CDYL2: variants seen among roughly 807,000 people sequenced by gnomAD.
CDYL2 encodes the protein chromodomain Y-like protein 2.
Under a neutral mutation model 49.4 loss-of-function variants are expected in CDYL2, and 23 were observed. The observed-to-expected ratio is 0.47, with a 90% confidence interval of 0.34 to 0.66. The LOEUF (loss-of-function observed/expected upper bound fraction) is 0.66. CDYL2 is among the 30% of genes least tolerant of loss of function. The pLI is 0.01. For synonymous variants in CDYL2, 360 were observed against 268.8 expected (o/e 1.34, Z -3.32); for missense variants, 678 against 656.4 (o/e 1.03, Z -0.36).
At chr16:80,622,093 G>A (rs1907108125) in intron 3 of CDYL2, among the ~76,000 whole-genome samples, 2 of 152,184 alleles carry the variant, frequency 1.3e-5, no homozygotes. Context: ...GCCCTGGCCT[G>A]GCTCACACAA....
At chr16:80,700,613 G>C (rs1055393254) in intron 1 of CDYL2, among the ~76,000 whole-genome samples, 10 of 152,332 alleles carry the variant, frequency 6.6e-5, no homozygotes, top group African/African-American at 2.4e-4. Flanking sequence ...CAGTGAGAAA[G>C]ATCAGCAAAA....
intron 3 of CDYL2, among the ~76,000 whole-genome samples, chr16:80,624,041 C>T (rs1316868132): frequency 6.6e-6 from 1 of 152,184 alleles, no homozygotes; most frequent in Non-Finnish European, 1.5e-5. Flanking sequence ...TGTGTACTGA[C>T]TGAAGCAATC....
At chr16:80,727,609 G>C (rs1905206540) in intron 1 of CDYL2, among the ~76,000 whole-genome samples, 2 of 152,238 alleles carry the variant, frequency 1.3e-5, no homozygotes, top group South Asian at 4.1e-4. Context: ...GCTCAAGGAG[G>C]CCTGCCTGCC....
At chr16:80,751,120 GCTTGCCAAA>G (rs951102821) in intron 1 of CDYL2, among the ~76,000 whole-genome samples, 1 of 152,056 alleles carries the variant, frequency 6.6e-6, no homozygotes, top group Non-Finnish European at 1.5e-5. Flanking sequence ...CTATTTTGTG[GCTTGCCAAA>G]CTCTGATTCC....
At chr16:80,659,527 A>G (rs2142432434) in intron 2 of CDYL2, among the ~76,000 whole-genome samples, 1 of 152,284 alleles carries the variant, frequency 6.6e-6, no homozygotes, top group Non-Finnish European at 1.5e-5. Flanking sequence ...TTAAGGGGTA[A>G]GGAGGCATAA....
At chr16:80,652,880 A>T (rs1908645256) in intron 2 of CDYL2, among the ~76,000 whole-genome samples, 1 of 152,214 alleles carries the variant, frequency 6.6e-6, no homozygotes, top group South Asian at 2.1e-4. Context: ...TTTTACGACC[A>T]TAAAAAGAAG....
intron 2 of CDYL2, among the ~76,000 whole-genome samples, chr16:80,678,951 C>G (rs371416414): frequency 2.7e-5 from 4 of 148,108 alleles, no homozygotes; most frequent in Non-Finnish European, 4.5e-5. Flanking sequence ...GATGAGTTCA[C>G]GTCCTTTGTA....
intron 1 of CDYL2, among the ~76,000 whole-genome samples, chr16:80,747,681 G>A (rs1905980659): frequency 6.6e-6 from 1 of 152,088 alleles, no homozygotes; most frequent in African/African-American, 2.4e-5. Flanking sequence ...GCAAGTACCA[G>A]ACAAAAGAGT....
intron 3 of CDYL2, among the ~76,000 whole-genome samples, chr16:80,631,639 C>T (rs2142390149): frequency 6.6e-6 from 1 of 152,264 alleles, no homozygotes; most frequent in South Asian, 2.1e-4. Context: ...AACATATTTT[C>T]AAGTCAAGTA....
At chr16:80,732,738 G>C (rs968601958) in intron 1 of CDYL2, among the ~76,000 whole-genome samples, 2 of 152,160 alleles carry the variant, frequency 1.3e-5, no homozygotes, top group Non-Finnish European at 2.9e-5. Context: ...CATGAGATTT[G>C]AAGATGACTT....
At chr16:80,725,719 G>C (rs1567586080) in intron 1 of CDYL2, among the ~76,000 whole-genome samples, 1 of 152,162 alleles carries the variant, frequency 6.6e-6, no homozygotes, top group Admixed American at 6.5e-5. Context: ...AAAACACTTG[G>C]CATATTTTGC....
intron 2 of CDYL2, among the ~76,000 whole-genome samples, chr16:80,646,615 C>T (rs969174386): frequency 6.6e-6 from 1 of 151,996 alleles, no homozygotes; most frequent in Non-Finnish European, 1.5e-5. Flanking sequence ...ATGGTGAAAC[C>T]CTATCTCTAC....
intron 1 of CDYL2, among the ~76,000 whole-genome samples, chr16:80,762,994 G>C (rs77136062): frequency 0.1 from 15,331 of 152,090 alleles, 858 homozygotes; most frequent in African/African-American, 0.14. Context: ...CATAAAATTA[G>C]GTTATATATT....
At chr16:80,656,112 G>A (rs1218940325) in intron 2 of CDYL2, among the ~76,000 whole-genome samples, 2 of 152,160 alleles carry the variant, frequency 1.3e-5, no homozygotes, top group Admixed American at 1.3e-4. Flanking sequence ...ATTTTAAAAG[G>A]TAGGGGCTAA....
chr16:80,653,021 T>G (rs372044861), intron 2 of CDYL2, among the ~76,000 whole-genome samples: 58 of 152,282 alleles, frequency 3.8e-4, no homozygotes, highest in African/African-American at 1.3e-3. Context: ...GAACTTCAGT[T>G]CATAATAATA....
At chr16:80,606,883 C>G (rs1212201103) in intron 6 of CDYL2, among the ~76,000 whole-genome samples, 1 of 152,176 alleles carries the variant, frequency 6.6e-6, no homozygotes, top group Non-Finnish European at 1.5e-5. Context: ...GTAAGACATG[C>G]CTTTGGCCTT....
At chr16:80,660,375 A>T (rs1300793110) in intron 2 of CDYL2, among the ~76,000 whole-genome samples, 2 of 152,054 alleles carry the variant, frequency 1.3e-5, no homozygotes, top group Non-Finnish European at 2.9e-5. Context: ...AGCAGAAGGA[A>T]GCATCTTGCC....
At chr16:80,787,176 AGTCT>A (rs1907464951) in intron 1 of CDYL2, among the ~76,000 whole-genome samples, 2 of 152,164 alleles carry the variant, frequency 1.3e-5, no homozygotes, top group African/African-American at 4.8e-5. Context: ...ATATGCCGGG[AGTCT>A]AGTTAAGAGA....
At chr16:80,656,213 C>T (rs1422146418) in intron 2 of CDYL2, among the ~76,000 whole-genome samples, 1 of 152,246 alleles carries the variant, frequency 6.6e-6, no homozygotes, top group African/African-American at 2.4e-5. Flanking sequence ...AGGCACTTCT[C>T]CAATGTCAGC....
Sources: gnomAD v4.1 joint callset for allele counts (sites outside exome capture counted in the v4.1 genomes callset) on GRCh38, gnomAD v4.1.1 for gene constraint, MANE v1.5 for transcripts, NCBI Gene and HGNC (gene_info 2026-07-23, HGNC 2026-07-21) for gene names.